Variants in PLCB4 observed in about 807,000 individuals in gnomAD.
PLCB4 encodes phospholipase C beta 4.
A neutral mutation model predicts 178.8 loss-of-function variants in PLCB4; 77 were observed. That is an observed-to-expected ratio of 0.43 (90% CI 0.36 to 0.52). The LOEUF is 0.52. PLCB4 is among the 20% of genes least tolerant of loss of function. The probability of loss-of-function intolerance (pLI) is 0.00; values close to 1 mark genes in which losing one functional copy is unlikely to be tolerated. For synonymous variants in PLCB4, 496 were observed against 490.8 expected, an observed-to-expected ratio of 1.01 and a Z score of -0.14; for missense variants, 1,024 against 1,453.4, an observed-to-expected ratio of 0.70 and a Z score of 4.80.
In PLCB4 at chr20:9,241,181, G is replaced by T. The variant is rs567753082; in HGVS notation, c.-16+23729G>T. ...AAAGGAAATGCTTACTTGAATGAAG[G>T]CTTCTCTGATTTCTTTGTTACCAGT... On this transcript the variant is annotated intron_variant, in intron 3 of 39. Coordinates refer to ENST00000378473, the MANE Select transcript of PLCB4 (RefSeq NM_001377142.1). 4.0e-3 allele frequency among the ~76,000 whole-genome samples: 609 copies of T among 152,198 alleles called. 4 individuals carry two copies. The highest frequency in any genetic ancestry group is 0.014 in the African/African-American group (592 of 41,528).
chr20:9,435,590 A>T lies in PLCB4; in HGVS notation c.2555A>T (p.Lys852Ile). Residue 852 changes from lysine to isoleucine, a missense_variant, in exon 29 of 40, where the codon AAA (lysine) becomes ATA (isoleucine). Transcript: ENST00000378473. ...GTGGATGCTTTATCAGATCCAAAGA[A>T]ATTTCTCTCAATTACAGAAAAGAGA... Reference protein sequence around the residue: ...DIVDALSDPKKFLSITEKRAD... With the variant: ...DIVDALSDPKIFLSITEKRAD... The T allele has an allele frequency of 1.2e-6, 2 of 1,608,728 alleles. No individual in the cohort carries two copies. Among genetic ancestry groups the T allele is most frequent in the Non-Finnish European group, 1.7e-6 (2 of 1,175,348 alleles).
intron 13 of PLCB4, among the ~76,000 whole-genome samples, chr20:9,382,716 A>G (rs1013992467): frequency 6.6e-6 from 1 of 152,176 alleles, no homozygotes; most frequent in Non-Finnish European, 1.5e-5. Context: ...GCCATGCTTC[A>G]TCACCTTCCT....
chr20:9,374,652 C>T (rs540102695), intron 12 of PLCB4, among the ~76,000 whole-genome samples: 20 of 152,078 alleles, frequency 1.3e-4, no homozygotes, highest in Middle Eastern at 3.2e-3. Flanking sequence ...ATTACAGAGA[C>T]CTTAATACTG....
chr20:9,288,371 A>T (rs2094552587), intron 3 of PLCB4, among the ~76,000 whole-genome samples: 1 of 149,862 alleles, frequency 6.7e-6, no homozygotes, highest in African/African-American at 2.5e-5. Context: ...GATGTTTTTC[A>T]CATAAAAAGG....
chr20:9,080,941 A>G (rs749542342), intron 1 of PLCB4, among the ~76,000 whole-genome samples: 24 of 152,058 alleles, frequency 1.6e-4, no homozygotes, highest in Non-Finnish European at 2.6e-4. Flanking sequence ...TACCCCATCA[A>G]TATCCTTCAT....
At chr20:9,368,106 G>A (rs1286325928) in intron 9 of PLCB4, among the ~76,000 whole-genome samples, 1 of 152,150 alleles carries the variant, frequency 6.6e-6, no homozygotes, top group African/African-American at 2.4e-5. Context: ...CTATCATTCT[G>A]AAGTTTCTAA....
intron 3 of PLCB4, among the ~76,000 whole-genome samples, chr20:9,240,149 A>G (rs1464558083): frequency 1.3e-5 from 2 of 152,160 alleles, no homozygotes; most frequent in African/African-American, 4.8e-5. Flanking sequence ...AGTATTAACC[A>G]TCACATAGTA....
chr20:9,332,165 A>G (rs965878796), intron 4 of PLCB4, among the ~76,000 whole-genome samples: 3 of 152,336 alleles, frequency 2.0e-5, no homozygotes, highest in Middle Eastern at 3.4e-3. Flanking sequence ...TAGATTCCCA[A>G]AGGAGAAACA....
intron 3 of PLCB4, among the ~76,000 whole-genome samples, chr20:9,260,590 T>A (rs1311994991): frequency 6.6e-6 from 1 of 152,176 alleles, no homozygotes; most frequent in African/African-American, 2.4e-5. Flanking sequence ...TACATATACA[T>A]GTATATGCTG....
intron 17 of PLCB4, among the ~76,000 whole-genome samples, chr20:9,391,486 G>A (rs1315259769): frequency 6.6e-6 from 1 of 152,148 alleles, no homozygotes; most frequent in Non-Finnish European, 1.5e-5. Flanking sequence ...GCAAATGACA[G>A]CAGGAAGGTG....
intron 35 of PLCB4, among the ~76,000 whole-genome samples, chr20:9,463,233 G>A (rs1044635056): frequency 1.6e-4 from 25 of 151,944 alleles, no homozygotes; most frequent in Non-Finnish European, 2.9e-4. Context: ...TTTTGTCACC[G>A]CCAGGCCTGC....
At chr20:9,132,812 C>T (rs1277709738) in intron 2 of PLCB4, among the ~76,000 whole-genome samples, 1 of 152,156 alleles carries the variant, frequency 6.6e-6, no homozygotes, top group Non-Finnish European at 1.5e-5. Flanking sequence ...CAATGGTTCT[C>T]AACTAAGGGC....
At chr20:9,180,042 G>A (rs2093219867) in intron 2 of PLCB4, among the ~76,000 whole-genome samples, 1 of 151,904 alleles carries the variant, frequency 6.6e-6, no homozygotes, top group African/African-American at 2.4e-5. Flanking sequence ...CAGATGCCTT[G>A]TTTAGGAATG....
At chr20:9,252,205 T>G (rs2094188230) in intron 3 of PLCB4, among the ~76,000 whole-genome samples, 2 of 152,138 alleles carry the variant, frequency 1.3e-5, no homozygotes, top group Admixed American at 6.5e-5. Context: ...TCCATCACAT[T>G]TCACATGTTC....
At position 9,453,453 on chromosome 20, in the gene PLCB4, A is replaced by G; in HGVS notation, c.2987A>G (p.Lys996Arg). ...GAGAAAATCCTAGAGAAGGCAATGAAGAAGAAGGGGTAATACTGTTTATTT... is the reference window on the plus strand; with the variant it reads ...GAGAAAATCCTAGAGAAGGCAATGAGGAAGAAGGGGTAATACTGTTTATTT... ...THEKILEKAM[K>R]KKGGSNCLEM... The change falls in exon 33 of 40, where the codon AAG (lysine) becomes AGG (arginine). Residue 996 changes from lysine (K) to arginine (R), a missense_variant. Lys to Arg is a conservative substitution (Grantham distance 26). Coordinates refer to ENST00000378473, the MANE Select transcript of PLCB4 (RefSeq NM_001377142.1). 6.4e-7 allele frequency: 1 copy of G among 1,555,904 alleles called. No homozygotes were observed. The highest frequency in any genetic ancestry group is 8.9e-7 in the Non-Finnish European group (1 of 1,128,462).
At chr20:9,151,598 C>G (rs908313174) in intron 2 of PLCB4, among the ~76,000 whole-genome samples, 7 of 152,160 alleles carry the variant, frequency 4.6e-5, no homozygotes, top group Admixed American at 2.6e-4. Context: ...AGCCTCCCGC[C>G]ATGATTCTGA....
In PLCB4 at chr20:9,160,187, TG is replaced by T. The variant is rs539492926; in HGVS notation, c.-78-57197del. On this transcript the variant is annotated intron_variant, in intron 2 of 39. Coordinates refer to ENST00000378473, the MANE Select transcript of PLCB4 (RefSeq NM_001377142.1). ...GAGTAGAGAATTGTGGCTGGGAGTG[TG>T]GGGGGTGGGTCTCTAACATTTGCTG... Among the ~76,000 whole-genome samples, 19 of 152,192 alleles carry T rather than the reference TG, an allele frequency of 1.2e-4. No individual in the cohort carries two copies. In the East Asian group the frequency reaches 3.7e-3, roughly 29 times the overall value.
intron 29 of PLCB4, among the ~76,000 whole-genome samples, chr20:9,435,908 A>G (rs1354610172): frequency 6.6e-6 from 1 of 152,242 alleles, no homozygotes; most frequent in African/African-American, 2.4e-5. Flanking sequence ...AAGAAAATGC[A>G]AAACATTTGT....
At chr20:9,146,829 G>A (rs1479734687) in intron 2 of PLCB4, among the ~76,000 whole-genome samples, 34 of 152,142 alleles carry the variant, frequency 2.2e-4, no homozygotes, top group African/African-American at 8.2e-4. Context: ...TCTGAAGAAT[G>A]CTGAGGAAGG....
Sources: gnomAD v4.1 joint callset for allele counts (sites outside exome capture counted in the v4.1 genomes callset) on GRCh38, gnomAD v4.1.1 for gene constraint, MANE v1.5 for transcripts, NCBI Gene and HGNC (gene_info 2026-07-23, HGNC 2026-07-21) for gene names.